GRAMD1C: variants seen among roughly 807,000 people sequenced by gnomAD.
GRAMD1C encodes the protein protein Aster-C.
Under a neutral mutation model 97.8 loss-of-function variants are expected in GRAMD1C, and 89 were observed. That is an observed-to-expected ratio of 0.91 (90% confidence interval 0.77 to 1.09). The LOEUF (loss-of-function observed/expected upper bound fraction) is 1.09, where lower values mean the gene tolerates loss of function less well. Ranked by LOEUF, GRAMD1C falls within the 50% of genes least tolerant of loss-of-function variation. The pLI, the probability that GRAMD1C is intolerant of heterozygous loss-of-function variation, is 0.00. For synonymous variants in GRAMD1C, 256 were observed against 267.0 expected, an observed-to-expected ratio of 0.96 and a Z score of 0.40; for missense variants, 740 against 766.4, an observed-to-expected ratio of 0.97 and a Z score of 0.41.
At chr3:113,858,393 C>CGTT (rs200917151) in intron 2 of GRAMD1C, among the ~76,000 whole-genome samples, 1,116 of 76,362 alleles carry the variant, frequency 0.015, 106 homozygotes, top group Middle Eastern at 0.025. Context: ...ATCCCAGCTA[C>CGTT]ATTTTTTTTT....
At chr3:113,845,431 C>T (rs1195457666) in intron 2 of GRAMD1C, among the ~76,000 whole-genome samples, 1 of 152,164 alleles carries the variant, frequency 6.6e-6, no homozygotes, top group African/African-American at 2.4e-5. Flanking sequence ...ATAGCTCACG[C>T]CTGTAATCCC....
intron 10 of GRAMD1C, among the ~76,000 whole-genome samples, chr3:113,923,299 C>A (rs1008585530): frequency 1.3e-5 from 2 of 152,080 alleles, no homozygotes; most frequent in South Asian, 2.1e-4. Context: ...ACTTCCAGTA[C>A]TATGTTGAAT....
intron 17 of GRAMD1C, among the ~76,000 whole-genome samples, chr3:113,942,139 C>T (rs1221096102): frequency 6.6e-6 from 1 of 151,842 alleles, no homozygotes; most frequent in Non-Finnish European, 1.5e-5. Flanking sequence ...GTCTCAAACT[C>T]CTGGGCTCAG....
chr3:113,869,089 C>A (rs1934693186), intron 2 of GRAMD1C, among the ~76,000 whole-genome samples: 1 of 152,070 alleles, frequency 6.6e-6, no homozygotes, highest in South Asian at 2.1e-4. Flanking sequence ...TTCCCACCCC[C>A]AAAGAACTAC....
At chr3:113,926,276 A>G (rs1172043217) in intron 10 of GRAMD1C, among the ~76,000 whole-genome samples, 1 of 151,948 alleles carries the variant, frequency 6.6e-6, no homozygotes, top group Non-Finnish European at 1.5e-5. Context: ...TTTTTGTCTC[A>G]GTTAATTTGG....
chr3:113,885,346 G>C, intron 6 of GRAMD1C: 1 of 1,592,366 alleles, frequency 6.3e-7, no homozygotes. Context: ...CGTGGCCTTC[G>C]CTGCCAAGCT....
At chr3:113,937,803 G>A (rs551372020) in intron 14 of GRAMD1C, among the ~76,000 whole-genome samples, 3 of 152,190 alleles carry the variant, frequency 2.0e-5, no homozygotes, top group Non-Finnish European at 2.9e-5. Context: ...TCAGGAGTTC[G>A]AGACCAGCCT....
At chr3:113,834,801 G>A (rs757494926), upstream of GRAMD1C, among the ~76,000 whole-genome samples, 79 of 151,250 alleles carry the variant, frequency 5.2e-4, no homozygotes, top group Non-Finnish European at 9.9e-4. Flanking sequence ...TTAGCTGGGC[G>A]TGGTGGTGGG....
chr3:113,855,519 C>G (rs953827657), intron 2 of GRAMD1C, among the ~76,000 whole-genome samples: 1 of 151,578 alleles, frequency 6.6e-6, no homozygotes, highest in Admixed American at 6.6e-5. Flanking sequence ...GCCTGGCCAA[C>G]ATGGCAAAAC....
chr3:113,891,760 G>T (rs1284168857), intron 6 of GRAMD1C, among the ~76,000 whole-genome samples: 2 of 151,650 alleles, frequency 1.3e-5, no homozygotes, highest in Non-Finnish European at 2.9e-5. Context: ...GGTGGTGCAT[G>T]CCTATAGTCC....
Position 113,841,378 on chromosome 3 carries a change from CG to C in GRAMD1C, c.27+2445del, listed in dbSNP as rs376036786. Among the ~76,000 whole-genome samples the C allele has an allele frequency of 5.6e-4, 84 of 150,204 alleles. No individual in the cohort carries two copies. In the East Asian group the frequency reaches 0.012, roughly 22 times the overall value. Reference sequence around the variant, plus strand: ...TCAGCTCACCGCAACCTCCACCTCCCGGGTTCAAGCAATTCTCCTGCCTCAG... The same window carrying C: ...TCAGCTCACCGCAACCTCCACCTCCCGGTTCAAGCAATTCTCCTGCCTCAG... On this transcript the variant is annotated intron_variant, in intron 1 of 17. Transcript: ENST00000358160.
rs968287384 is a variant in GRAMD1C, at chr3:113,895,605, G to GA, written c.541-5418dup. Among the ~76,000 whole-genome samples the GA allele has an allele frequency of 1.8e-4, 28 of 151,914 alleles. 1 individual carries two copies. Among genetic ancestry groups the GA allele is most frequent in the South Asian group, 2.1e-4 (1 of 4,812 alleles). On this transcript the variant is annotated intron_variant, in intron 6 of 17. Transcript: ENST00000358160. Reference sequence around the variant, plus strand: ...TAAATGCAACATTCAGACCTACCTGGAAAAAAAATGAATATGAAATTGGTA... The same window carrying GA: ...TAAATGCAACATTCAGACCTACCTGGAAAAAAAAATGAATATGAAATTGGTA...
intron 10 of GRAMD1C, among the ~76,000 whole-genome samples, chr3:113,929,755 T>C (rs1044364994): frequency 4.6e-5 from 7 of 152,150 alleles, no homozygotes; most frequent in Non-Finnish European, 1.0e-4. Context: ...CAGAAGGCAA[T>C]TTCAGGATCC....
chr3:113,850,221 A>C (rs1933835052), intron 2 of GRAMD1C: 4 of 546,950 alleles, frequency 7.3e-6, no homozygotes, highest in South Asian at 4.4e-5. Context: ...ATGCAAAATA[A>C]TAATACTCTC....
chr3:113,836,882 G>T (rs1043023134), upstream of GRAMD1C, among the ~76,000 whole-genome samples: 4 of 152,084 alleles, frequency 2.6e-5, no homozygotes, highest in African/African-American at 9.7e-5. Context: ...GACCTCAGGT[G>T]ATCCTCCCAC....
rs142149943 is a variant in GRAMD1C at position 113,946,844 on chromosome 3, T to C, written c.*1366T>C. The C allele has an allele frequency of 8.9e-4, 136 of 152,336 alleles. No individual in the cohort carries two copies. The highest frequency in any genetic ancestry group is 3.2e-3 in the African/African-American group (135 of 41,570). 9.4% of individuals were successfully genotyped at this position (152,336 alleles called of 1,614,324 possible). ...CCGTTAGAGGGAAAATGGGTTTCTC[T>C]GGGTGAATTCCAACGAAGCATACCT... On this transcript the variant is annotated 3_prime_UTR_variant, in exon 18 of 18. Coordinates refer to ENST00000358160, the MANE Select transcript of GRAMD1C (RefSeq NM_017577.5).
intron 8 of GRAMD1C, among the ~76,000 whole-genome samples, chr3:113,907,853 A>G (rs1936425526): frequency 6.6e-6 from 1 of 152,184 alleles, no homozygotes; most frequent in African/African-American, 2.4e-5. Context: ...GTAAGTGTGG[A>G]GCTGTAGAGA....
chr3:113,921,217 C>T (rs905697742), intron 10 of GRAMD1C, among the ~76,000 whole-genome samples: 5 of 152,186 alleles, frequency 3.3e-5, no homozygotes, highest in Non-Finnish European at 5.9e-5. Context: ...CAGCTCCATA[C>T]ATGTTGCTAC....
chr3:113,917,829 A>T (rs1936882515), intron 10 of GRAMD1C, among the ~76,000 whole-genome samples: 1 of 130,414 alleles, frequency 7.7e-6, no homozygotes, highest in African/African-American at 2.9e-5. Context: ...AGTAGCTGGG[A>T]TTACAGGCGT....
Sources: gnomAD v4.1 joint callset for allele counts (sites outside exome capture counted in the v4.1 genomes callset) on GRCh38, gnomAD v4.1.1 for gene constraint, MANE v1.5 for transcripts, NCBI Gene and HGNC (gene_info 2026-07-23, HGNC 2026-07-21) for gene names.